Variants in NEK11 observed in about 807,000 individuals in gnomAD.
The protein encoded by NEK11 is serine/threonine-protein kinase Nek11.
In NEK11, 72 loss-of-function variants were observed where a neutral mutation model predicts 80.7. The ratio of observed to expected loss-of-function variants is 0.89; its 90% CI spans 0.74 to 1.08. The LOEUF (loss-of-function observed/expected upper bound fraction) is 1.08. Ranked by LOEUF, NEK11 falls within the 50% of genes least tolerant of loss-of-function variation. NEK11 has a pLI of 0.00. For missense variants in NEK11, 764 were observed against 763.6 expected (o/e 1.00, Z -0.01); for synonymous variants, 251 against 260.7 (o/e 0.96, Z 0.36).
chr3:131,145,812 C>T (rs2088077464), intron 7 of NEK11, among the ~76,000 whole-genome samples: 1 of 152,050 alleles, frequency 6.6e-6, no homozygotes, highest in Non-Finnish European at 1.5e-5. Flanking sequence ...ATGGTTTTCT[C>T]ATCTGAAAAA....
At chr3:131,337,890 T>C (rs1294153719) in intron 17 of NEK11, among the ~76,000 whole-genome samples, 4 of 152,284 alleles carry the variant, frequency 2.6e-5, no homozygotes, top group East Asian at 3.9e-4. Context: ...GCATACCTCA[T>C]ATGATTGTGT....
At chr3:131,118,335 T>G (rs890910292) in intron 5 of NEK11, among the ~76,000 whole-genome samples, 2 of 152,218 alleles carry the variant, frequency 1.3e-5, no homozygotes, top group Non-Finnish European at 1.5e-5. Context: ...AACTTGATCG[T>G]GGTGGATAAG....
intron 14 of NEK11, among the ~76,000 whole-genome samples, chr3:131,210,001 T>A (rs950001131): frequency 3.3e-5 from 5 of 152,226 alleles, no homozygotes; most frequent in African/African-American, 1.2e-4. Flanking sequence ...TGCTCTGATC[T>A]TAGTTATTTC....
intron 7 of NEK11, among the ~76,000 whole-genome samples, chr3:131,137,653 A>T (rs2085882805): frequency 6.6e-6 from 1 of 152,162 alleles, no homozygotes. Context: ...TTGAACATTA[A>T]TATATTTTTT....
intron 4 of NEK11, 81 bp from the exon 5 acceptor site, chr3:131,109,722 C>CTATG (rs1578390654): frequency 7.5e-7 from 1 of 1,331,408 alleles, no homozygotes; most frequent in East Asian, 2.6e-5. Flanking sequence ...ACAGTGACTG[C>CTATG]TATGTATTAA....
In NEK11 at chr3:131,203,767, GTATATATATATATATATA is replaced by G. The variant is rs150951735; in HGVS notation, c.1400-24718_1400-24701del. Among the ~76,000 whole-genome samples the G allele has an allele frequency of 7.5e-3, 404 of 54,046 alleles. 2 individuals carry two copies. Among genetic ancestry groups the G allele is most frequent in the East Asian group, 0.015 (9 of 588 alleles). 35.5% of individuals were successfully genotyped at this position (54,046 alleles called of 152,430 possible). On this transcript the variant is annotated intron_variant, in intron 14 of 17. Transcript: ENST00000383366. ...TATATATGTGTGTGTGTGTGTGTGT[GTATATATATATATATATA>G]TATATATATATATATATATATATAT...
At chr3:131,328,575 A>G (rs576266331) in intron 17 of NEK11, 12 of 152,332 alleles carry the variant, frequency 7.9e-5, no homozygotes, top group Middle Eastern at 3.4e-3. Context: ...ACTTCCGGGC[A>G]GACAAACAAT....
At chr3:131,271,665 G>C (rs1270431942) in intron 16 of NEK11, among the ~76,000 whole-genome samples, 1 of 151,826 alleles carries the variant, frequency 6.6e-6, no homozygotes, top group Non-Finnish European at 1.5e-5. Context: ...CTTGGTGGCG[G>C]GAGCCTGTAA....
intron 6 of NEK11, chr3:131,133,235 T>A: frequency 2.2e-6 from 1 of 455,042 alleles, no homozygotes; most frequent in African/African-American, 2.0e-5. Context: ...AATGGCTTTA[T>A]TAACCTTTAG....
At chr3:131,336,260 C>A (rs2097182205) in intron 17 of NEK11, among the ~76,000 whole-genome samples, 2 of 152,230 alleles carry the variant, frequency 1.3e-5, no homozygotes, top group Non-Finnish European at 1.5e-5. Context: ...GGTACTGGTA[C>A]CAAACAGAGA....
intron 17 of NEK11, among the ~76,000 whole-genome samples, chr3:131,300,878 TA>T (rs1392977730): frequency 1.3e-5 from 2 of 152,210 alleles, no homozygotes; most frequent in Non-Finnish European, 2.9e-5. Context: ...TTAAGGTTCA[TA>T]TGAATTTTAA....
At chr3:131,181,911 G>A (rs915426285) in intron 14 of NEK11, among the ~76,000 whole-genome samples, 1 of 150,886 alleles carries the variant, frequency 6.6e-6, no homozygotes, top group Non-Finnish European at 1.5e-5. Flanking sequence ...AGTTTTTTTT[G>A]TTGAAGTGAT....
intron 3 of NEK11, among the ~76,000 whole-genome samples, chr3:131,048,439 G>A (rs115764057): frequency 0.019 from 2,832 of 152,282 alleles, 91 homozygotes; most frequent in African/African-American, 0.065. Context: ...AAACGGCTTC[G>A]CTGGGGACCA....
chr3:131,225,800 T>A (rs2095175473), intron 14 of NEK11, among the ~76,000 whole-genome samples: 1 of 152,192 alleles, frequency 6.6e-6, no homozygotes, highest in South Asian at 2.1e-4. Context: ...TTGAACAGGA[T>A]GAAAAACACC....
intron 17 of NEK11, among the ~76,000 whole-genome samples, chr3:131,274,281 C>A (rs1000231878): frequency 3.4e-5 from 5 of 145,842 alleles, no homozygotes; most frequent in African/African-American, 8.1e-5. Context: ...CTACAAAGGA[C>A]ATGAACTCAT....
rs1292277876 is a variant in NEK11 at position 131,155,022 on chromosome 3, G to A, written c.877-14G>A. 1 of 1,516,314 alleles carries A rather than the reference G, an allele frequency of 6.6e-7. No homozygotes were observed. The highest frequency in any genetic ancestry group is 1.1e-5 in the South Asian group (1 of 88,906). 93.9% of individuals were successfully genotyped at this position (1,516,314 alleles called of 1,614,324 possible). On this transcript the variant is annotated splice_polypyrimidine_tract_variant and intron_variant, in intron 9 of 17. Coordinates refer to ENST00000383366, the MANE Select transcript of NEK11 (RefSeq NM_024800.5). The stretch of plus-strand genomic sequence containing the variant: ...GGAGCCTTTAAGATATGTCAGGGTT[G>A]ATCTTTTTTTCAGAACCTAATGTGT...
intron 15 of NEK11, among the ~76,000 whole-genome samples, chr3:131,235,768 G>C (rs1338236104): frequency 6.6e-6 from 1 of 152,146 alleles, no homozygotes; most frequent in African/African-American, 2.4e-5. Context: ...CTATGAAACA[G>C]ACAGATTAAC....
At chr3:131,169,248 T>C (rs1436355721) in intron 13 of NEK11, among the ~76,000 whole-genome samples, 3 of 152,296 alleles carry the variant, frequency 2.0e-5, no homozygotes, top group African/African-American at 4.8e-5. Context: ...GCTAATCTCA[T>C]TGGGGCTCTG....
intron 16 of NEK11, among the ~76,000 whole-genome samples, chr3:131,244,230 C>CT (rs1175331446): frequency 6.6e-6 from 1 of 152,026 alleles, no homozygotes; most frequent in Non-Finnish European, 1.5e-5. Context: ...AACATTCACT[C>CT]TTTTATTAGG....
Sources: allele counts gnomAD v4.1 joint callset (sites outside exome capture counted in the v4.1 genomes callset), GRCh38; gene constraint gnomAD v4.1.1; transcripts MANE v1.5; gene names NCBI Gene and HGNC (gene_info 2026-07-23, HGNC 2026-07-21).